GPHN: variants seen among roughly 807,000 people sequenced by gnomAD.
The protein encoded by GPHN is gephyrin.
A neutral mutation model predicts 95.5 loss-of-function variants in GPHN; 17 were observed. The observed-to-expected ratio is 0.18, with a 90% CI of 0.12 to 0.27. The LOEUF is 0.27. Ranked by LOEUF, GPHN falls within the 10% of genes least tolerant of loss-of-function variation. The pLI is 1.00. For missense variants in GPHN, 660 were observed against 978.1 expected, an observed-to-expected ratio of 0.67 and a Z score of 4.34; for synonymous variants, 320 against 322.5, an observed-to-expected ratio of 0.99 and a Z score of 0.08.
the GPHN span, among the ~76,000 whole-genome samples, chr14:67,534,845 T>C: frequency 8.5e-5 from 13 of 152,312 alleles, no homozygotes; most frequent in Middle Eastern, 3.4e-3. Flanking sequence ...CATTTACCCC[T>C]AAATTCCATT....
chr14:66,564,513 G>C (rs912368005), intron 1 of GPHN, among the ~76,000 whole-genome samples: 1 of 152,088 alleles, frequency 6.6e-6, no homozygotes, highest in Non-Finnish European at 1.5e-5. Context: ...TTTTATTTAA[G>C]TAGGGCCTGA....
intron 10 of GPHN, among the ~76,000 whole-genome samples, chr14:67,028,084 G>A (rs1452126233): frequency 6.6e-6 from 1 of 152,046 alleles, no homozygotes; most frequent in Non-Finnish European, 1.5e-5. Flanking sequence ...GCCTCAGTGA[G>A]GTCAACTTTT....
chr14:67,038,251 A>G (rs181373970), intron 10 of GPHN, among the ~76,000 whole-genome samples: 11 of 152,232 alleles, frequency 7.2e-5, no homozygotes, highest in Admixed American at 4.6e-4. Flanking sequence ...CATCTAAAGT[A>G]ATTGAACTCA....
At chr14:67,649,038 G>T in the GPHN span, 3 of 152,152 alleles carry the variant, frequency 2.0e-5, no homozygotes, top group African/African-American at 7.2e-5. Context: ...AGGCAGTACT[G>T]GTCTAATTCT....
chr14:66,816,012 A>G (rs751344158), intron 3 of GPHN, among the ~76,000 whole-genome samples: 2 of 152,244 alleles, frequency 1.3e-5, no homozygotes, highest in African/African-American at 2.4e-5. Context: ...TTGCAGTTCT[A>G]CTTTCCGACA....
In GPHN at chr14:66,718,483, G is replaced by A. The variant is rs1229513512; in HGVS notation, c.143+37298G>A. Among the ~76,000 whole-genome samples the A allele has an allele frequency of 2.0e-5, 3 of 152,296 alleles. No homozygotes were observed. The East Asian group carries it at 5.8e-4, about 29-fold the overall frequency. On this transcript the variant is annotated intron_variant, in intron 2 of 22. Coordinates refer to ENST00000478722, the MANE Select transcript of GPHN (RefSeq NM_020806.5). ...GAGCAGCAGCAAGATTTACTGTGAA[G>A]AGCAAAAGAACAAAGCTTCCACAGC...
At chr14:67,592,561 G>A in the GPHN span, 1 of 922,970 alleles carries the variant, frequency 1.1e-6, no homozygotes, top group African/African-American at 1.6e-5. Flanking sequence ...CCAATACTCT[G>A]ACAAAAGGAA....
At chr14:67,321,349 G>A in the GPHN span, 2 of 1,202,536 alleles carry the variant, frequency 1.7e-6, no homozygotes, top group Non-Finnish European at 2.4e-6. Flanking sequence ...TCCAAGAACA[G>A]CGCGACCTAA....
intron 2 of GPHN, among the ~76,000 whole-genome samples, chr14:66,715,991 T>C (rs1283214686): frequency 2.0e-5 from 3 of 152,084 alleles, no homozygotes; most frequent in Non-Finnish European, 4.4e-5. Flanking sequence ...TATATCTATA[T>C]ATATATAGAT....
At chr14:67,000,959 C>T (rs889297655) in intron 9 of GPHN, among the ~76,000 whole-genome samples, 1 of 151,526 alleles carries the variant, frequency 6.6e-6, no homozygotes, top group South Asian at 2.1e-4. Context: ...TTGGCACTAG[C>T]GAATTTCTGC....
At chr14:67,491,287 C>G in the GPHN span, among the ~76,000 whole-genome samples, 3 of 152,168 alleles carry the variant, frequency 2.0e-5, no homozygotes, top group Non-Finnish European at 4.4e-5. Flanking sequence ...GTTCAGCCAC[C>G]CAGAAACCTA....
chr14:67,644,788 C>T, the GPHN span, among the ~76,000 whole-genome samples: 1 of 151,972 alleles, frequency 6.6e-6, no homozygotes, highest in Non-Finnish European at 1.5e-5. Flanking sequence ...CACTTGAGGT[C>T]GAGTTCAAGA....
chr14:67,168,394 C>T (rs918459558), intron 20 of GPHN, among the ~76,000 whole-genome samples: 1 of 152,106 alleles, frequency 6.6e-6, no homozygotes, highest in African/African-American at 2.4e-5. Context: ...TGAATTCAAT[C>T]CATAACAGTA....
chr14:66,587,466 G>T (rs72724601), intron 1 of GPHN, among the ~76,000 whole-genome samples: 9,447 of 152,196 alleles, frequency 0.062, 393 homozygotes, highest in Non-Finnish European at 0.098. Context: ...AACAGATGCA[G>T]ATATTCTCAA....
chr14:67,722,328 G>A, the GPHN span: 1 of 466,942 alleles, frequency 2.1e-6, no homozygotes, highest in Non-Finnish European at 3.9e-6. Flanking sequence ...ATTGAGGATG[G>A]GGGGTTTAGG....
At chr14:67,444,397 A>G in the GPHN span, among the ~76,000 whole-genome samples, 51 of 152,194 alleles carry the variant, frequency 3.4e-4, no homozygotes, top group Admixed American at 3.3e-3. Flanking sequence ...AAGTGTGATG[A>G]AGTATGCATT....
At chr14:67,510,981 C>T in the GPHN span, among the ~76,000 whole-genome samples, 29 of 152,290 alleles carry the variant, frequency 1.9e-4, no homozygotes, top group Non-Finnish European at 3.5e-4. Flanking sequence ...CCTCAGAAGT[C>T]TAGAAAAGAA....
intron 1 of GPHN, among the ~76,000 whole-genome samples, chr14:66,583,597 T>C (rs2061292669): frequency 6.6e-6 from 1 of 152,170 alleles, no homozygotes; most frequent in Non-Finnish European, 1.5e-5. Flanking sequence ...TTCAGCTTTC[T>C]CCATATGGCT....
chr14:67,039,864 G>T (rs1451219497), intron 10 of GPHN, among the ~76,000 whole-genome samples: 2 of 152,164 alleles, frequency 1.3e-5, no homozygotes, highest in Non-Finnish European at 2.9e-5. Flanking sequence ...GTTTGAAGTT[G>T]TAAGTAGTGT....
Sources: allele counts gnomAD v4.1 joint callset (sites outside exome capture counted in the v4.1 genomes callset), GRCh38; gene constraint gnomAD v4.1.1; transcripts MANE v1.5; gene names NCBI Gene and HGNC (gene_info 2026-07-23, HGNC 2026-07-21).